The following IMPG2 variants were observed in gnomAD, a reference collection of about 807,000 sequenced individuals.
IMPG2 encodes the protein IPM 200.
IMPG2 carries 91 observed loss-of-function variants against 129.2 expected under a neutral mutation model. The observed-to-expected ratio is 0.70, with a 90% CI of 0.59 to 0.84. The LOEUF (loss-of-function observed/expected upper bound fraction) is 0.84. Among genes scored for constraint, IMPG2 ranks in the 40% least tolerant of loss-of-function variants. The probability of loss-of-function intolerance (pLI) is 0.00; values close to 1 mark genes in which losing one functional copy is unlikely to be tolerated. For missense variants in IMPG2, 1,430 were observed against 1,461.7 expected (o/e 0.98, Z 0.35); for synonymous variants, 510 against 517.7 (o/e 0.99, Z 0.20).
chr3:101,253,981 A>C (rs1244893491), intron 10 of IMPG2, among the ~76,000 whole-genome samples, 200 bp from the exon 11 acceptor site: 1 of 152,188 alleles, frequency 6.6e-6, no homozygotes, highest in African/African-American at 2.4e-5. Flanking sequence ...AATTATAAGA[A>C]TCTAACATAA....
At chr3:101,273,497 A>T (rs1706808926) in intron 7 of IMPG2, 84 bp downstream of exon 7, 2 of 1,425,352 alleles carry the variant, frequency 1.4e-6, no homozygotes, top group Admixed American at 3.6e-5. Context: ...TTGAAACCTA[A>T]ACCTATCTTT....
intron 9 of IMPG2, among the ~76,000 whole-genome samples, chr3:101,262,677 A>G (rs368931349): frequency 1.3e-5 from 2 of 151,964 alleles, no homozygotes; most frequent in East Asian, 3.9e-4. Context: ...AACAAACAAC[A>G]AAATGACATA....
intron 7 of IMPG2, 21 bp from the exon 8 acceptor site, chr3:101,269,594 AATG>A (rs1320741601): frequency 7.2e-7 from 1 of 1,397,580 alleles, no homozygotes; most frequent in Non-Finnish European, 1.0e-6. Context: ...TACAAATAAA[AATG>A]ATAACTATGT....
intron 6 of IMPG2, among the ~76,000 whole-genome samples, 171 bp from the exon 7 acceptor site, chr3:101,273,913 A>G (rs1178199898): frequency 2.0e-5 from 3 of 152,202 alleles, no homozygotes; most frequent in African/African-American, 7.2e-5. Flanking sequence ...GACACAGGCT[A>G]ACAGCCAGGA....
chr3:101,265,721 G>T (rs1706714943), intron 9 of IMPG2, among the ~76,000 whole-genome samples: 1 of 152,084 alleles, frequency 6.6e-6, no homozygotes, highest in Admixed American at 6.6e-5. Flanking sequence ...AAACTAAAAA[G>T]CTTCTGCACA....
Position 101,290,163 on chromosome 3 carries a change from A to T in IMPG2, c.533+1316T>A, listed in dbSNP as rs77208333. 1.2e-3 allele frequency among the ~76,000 whole-genome samples: 189 copies of T among 152,190 alleles called. 4 individuals carry two copies. In the East Asian group the frequency reaches 0.016, roughly 13 times the overall value. On this transcript the variant is annotated intron_variant, in intron 4 of 18. Coordinates refer to ENST00000193391, the MANE Select transcript of IMPG2 (RefSeq NM_016247.4). ...GATTTACAGATCCACTGTCTGTTGC[A>T]ATGGCAATCACAAGGAATCTCTGAG...
chr3:101,281,298 T>C (rs973622316), intron 4 of IMPG2, among the ~76,000 whole-genome samples: 3 of 152,076 alleles, frequency 2.0e-5, no homozygotes, highest in African/African-American at 4.8e-5. Flanking sequence ...GTTTTAAAAA[T>C]AGGTAACATG....
At position 101,251,821 on chromosome 3, in the gene IMPG2, TG is replaced by T. The variant is rs1335203470; in HGVS notation, c.1239+1874del. 2.6e-5 allele frequency among the ~76,000 whole-genome samples: 4 copies of T among 152,050 alleles called. No homozygotes were observed. In the East Asian group the frequency reaches 5.8e-4, roughly 22 times the overall value. On this transcript the variant is annotated intron_variant, in intron 11 of 18. Coordinates refer to ENST00000193391, the MANE Select transcript of IMPG2 (RefSeq NM_016247.4). ...TAAAATAATTTTTAAAAATAAGATC[TG>T]GGGGGAAAAAACCCACCTCACTTCT...
chr3:101,306,953 A>G (rs1707211569), intron 2 of IMPG2, among the ~76,000 whole-genome samples: 1 of 152,208 alleles, frequency 6.6e-6, no homozygotes, highest in Admixed American at 6.5e-5. Context: ...GAGTAGGCAA[A>G]CCACATATCT....
chr3:101,299,000 C>G (rs542533378), intron 3 of IMPG2, among the ~76,000 whole-genome samples: 15 of 152,312 alleles, frequency 9.8e-5, no homozygotes, highest in African/African-American at 3.6e-4. Flanking sequence ...TGTTTTACAA[C>G]TTGGTTCCTT....
intron 4 of IMPG2, among the ~76,000 whole-genome samples, chr3:101,281,525 A>G (rs1239445107): frequency 6.6e-6 from 1 of 152,236 alleles, no homozygotes; most frequent in Admixed American, 6.5e-5. Flanking sequence ...ATTTGGTGCA[A>G]GACATACATT....
At chr3:101,248,111 A>T (rs904704060) in intron 11 of IMPG2, among the ~76,000 whole-genome samples, 1 of 152,148 alleles carries the variant, frequency 6.6e-6, no homozygotes, top group African/African-American at 2.4e-5. Context: ...AAGAGAGCTA[A>T]CCCAAAACAA....
chr3:101,294,563 G>T (rs528081371), intron 3 of IMPG2, among the ~76,000 whole-genome samples: 62 of 152,324 alleles, frequency 4.1e-4, no homozygotes, highest in Middle Eastern at 3.4e-3. Flanking sequence ...ACATGTGCAT[G>T]TGTCTTTATA....
intron 9 of IMPG2, among the ~76,000 whole-genome samples, chr3:101,258,681 C>T (rs1180256566): frequency 6.6e-6 from 1 of 151,936 alleles, no homozygotes; most frequent in Non-Finnish European, 1.5e-5. Flanking sequence ...AACCTTTCCA[C>T]AAGCAAAAAA....
At chr3:101,280,303 G>A (rs1223085203) in intron 4 of IMPG2, among the ~76,000 whole-genome samples, 3 of 152,122 alleles carry the variant, frequency 2.0e-5, no homozygotes, top group Non-Finnish European at 4.4e-5. Context: ...TGCTCCCCTT[G>A]ATATCTTCTA....
intron 11 of IMPG2, among the ~76,000 whole-genome samples, chr3:101,247,087 C>T (rs1330585915): frequency 6.9e-6 from 1 of 145,672 alleles, no homozygotes; most frequent in Non-Finnish European, 1.5e-5. Flanking sequence ...TAGAGCAAGA[C>T]ATTGTCTCTT....
At chr3:101,246,952 C>T (rs1706486006) in intron 11 of IMPG2, among the ~76,000 whole-genome samples, 1 of 151,962 alleles carries the variant, frequency 6.6e-6, no homozygotes, top group African/African-American at 2.4e-5. Flanking sequence ...AAAAATTAGC[C>T]AGGCATGGTG....
In IMPG2 at chr3:101,243,622, G is replaced by A; in HGVS notation, c.2709C>T (p.Phe903=). 1 of 1,613,910 alleles carries A rather than the reference G, an allele frequency of 6.2e-7. No individual in the cohort carries two copies. The highest frequency in any genetic ancestry group is 2.2e-5 in the East Asian group (1 of 44,848). ...ACATCATGTTAGTCACTCGGAGGCT[G>A]AAGAAAACCACCAAAGCTCCTGAAG... The part of the protein sequence containing the change: ...TQTSGALVVF[F]SLRVTNMMFS... Residue 903 remains phenylalanine (F), a synonymous_variant, in exon 13 of 19, where the codon TTC becomes TTT. Transcript: ENST00000193391.
rs66908707 is a variant in IMPG2 at position 101,226,225 on chromosome 3, TTATA to T, written c.*740_*743del. 52 of 102,602 alleles carry T rather than the reference TTATA, an allele frequency of 5.1e-4. No homozygotes were observed. The highest frequency in any genetic ancestry group is 5.9e-4 in the Non-Finnish European group (31 of 52,804). 6.4% of individuals were successfully genotyped at this position (102,602 alleles called of 1,614,324 possible). A position where few individuals can be genotyped will look rare whatever the true frequency, so the allele number is the denominator to read the frequency against. On this transcript the variant is annotated 3_prime_UTR_variant, in exon 19 of 19. Transcript: ENST00000193391. Reference sequence around the variant, plus strand: ...TAGATTAATGGGAATCTTCTAAACTTTATATATATATATATATATATATATATAT... The same window carrying T: ...TAGATTAATGGGAATCTTCTAAACTTTATATATATATATATATATATATAT...
Sources: allele counts gnomAD v4.1 joint callset (sites outside exome capture counted in the v4.1 genomes callset), GRCh38; gene constraint gnomAD v4.1.1; transcripts MANE v1.5; gene names NCBI Gene and HGNC (gene_info 2026-07-23, HGNC 2026-07-21).